The following RAB18 variants were observed in gnomAD, a reference collection of about 807,000 sequenced individuals.
RAB18 encodes the protein ras-related protein Rab-18.
RAB18 carries 10 observed loss-of-function variants against 28.5 expected under a neutral mutation model. The ratio of observed to expected loss-of-function variants is 0.35; its 90% CI spans 0.22 to 0.60. RAB18 has a LOEUF of 0.60. Ranked by LOEUF, RAB18 falls within the 20% of genes least tolerant of loss-of-function variation. The probability of loss-of-function intolerance (pLI) is 0.78; values close to 1 mark genes in which losing one functional copy is unlikely to be tolerated. For synonymous variants in RAB18, 93 were observed against 86.9 expected (o/e 1.07, Z -0.39); for missense variants, 188 against 244.2 (o/e 0.77, Z 1.53).
chr10:27,535,029 A>G (rs118076385), intron 6 of RAB18, among the ~76,000 whole-genome samples: 4,575 of 152,254 alleles, frequency 0.03, 87 homozygotes, highest in South Asian at 0.047. Context: ...ACAGACTTAA[A>G]TAAGTAAGTA....
At position 27,539,999 on chromosome 10, in the gene RAB18, G is replaced by A. The variant is rs1221580233; in HGVS notation, c.*1948G>A. On this transcript the variant is annotated 3_prime_UTR_variant, in exon 7 of 7. Transcript: ENST00000356940. Reference sequence around the variant, plus strand: ...AAACAGTTGTAATATCTAAGGTCAGGCACCTAGTAACAGGGTTTTGTTAAT... The same window carrying A: ...AAACAGTTGTAATATCTAAGGTCAGACACCTAGTAACAGGGTTTTGTTAAT... The A allele has an allele frequency of 2.2e-6, 1 of 453,942 alleles. No individual in the cohort carries two copies. Among genetic ancestry groups the A allele is most frequent in the Non-Finnish European group, 4.4e-6 (1 of 226,702 alleles). 28.1% of individuals were successfully genotyped at this position (453,942 alleles called of 1,614,324 possible).
intron 3 of RAB18, among the ~76,000 whole-genome samples, chr10:27,527,462 A>G (rs1407813957): frequency 2.0e-5 from 3 of 152,032 alleles, no homozygotes; most frequent in Non-Finnish European, 4.4e-5. Flanking sequence ...TTAACTGTCA[A>G]AAATATCCAA....
At chr10:27,505,251 G>T in intron 1 of RAB18, 1 of 461,478 alleles carries the variant, frequency 2.2e-6, no homozygotes, top group Non-Finnish European at 4.4e-6. Flanking sequence ...GGTCTTGGAA[G>T]AGAGTTCTCC....
chr10:27,525,034 ATTGT>A (rs1490518527), intron 2 of RAB18, among the ~76,000 whole-genome samples: 1 of 152,230 alleles, frequency 6.6e-6, no homozygotes, highest in Non-Finnish European at 1.5e-5. Flanking sequence ...ACTTAGAGAC[ATTGT>A]TAGTTATCCA....
chr10:27,504,342 G>A lies in RAB18; in HGVS notation c.-28G>A. The A allele has an allele frequency of 1.3e-6, 2 of 1,565,202 alleles. No homozygotes were observed. The highest frequency in any genetic ancestry group is 1.7e-6 in the Non-Finnish European group (2 of 1,155,678). On this transcript the variant is annotated 5_prime_UTR_variant, in exon 1 of 7. Transcript: ENST00000356940. ...GCTGAGAGGCGCACCCGGGCGGCCA[G>A]CTGGGCTCGGAGCGGAACGGGGTCA...
chr10:27,512,480 A>G (rs1222518346), intron 2 of RAB18, among the ~76,000 whole-genome samples: 1 of 151,620 alleles, frequency 6.6e-6, no homozygotes, highest in Non-Finnish European at 1.5e-5. Flanking sequence ...TAATTTTTGT[A>G]TTTTTAGTAG....
intron 1 of RAB18, among the ~76,000 whole-genome samples, chr10:27,507,520 T>C (rs971097615): frequency 6.6e-6 from 1 of 150,574 alleles, no homozygotes; most frequent in South Asian, 2.1e-4. Context: ...TCTAAATTGC[T>C]GTCCCTCCTT....
In RAB18 at chr10:27,533,690, TTC is replaced by T. The variant is rs72201756; in HGVS notation, c.260-43_260-42del. The T allele has an allele frequency of 0.47, 753,043 of 1,601,510 alleles. 183,004 individuals are homozygous for T. Among genetic ancestry groups the T allele is most frequent in the Non-Finnish European group, 0.5 (588,385 of 1,171,746 alleles). On this transcript the variant is annotated intron_variant, in intron 4 of 6. Transcript: ENST00000356940. ...CTACATATCAGAAATACGCCATTGC[TTC>T]TTTCTTTAATGCTTATTTAACAAAT...
chr10:27,532,657 G>A (rs1051035236), intron 4 of RAB18, 78 bp downstream of exon 4: 1 of 1,160,126 alleles, frequency 8.6e-7, no homozygotes, highest in African/African-American at 1.5e-5. Flanking sequence ...AAGTTAATAT[G>A]TCTTTGTTTT....
At chr10:27,504,876 T>C (rs1837776293) in intron 1 of RAB18, 2 of 486,074 alleles carry the variant, frequency 4.1e-6, no homozygotes, top group Admixed American at 4.7e-5. Context: ...TGTGGGGCCT[T>C]CTCTAAATAC....
At position 27,540,189 on chromosome 10, in the gene RAB18, T is replaced by G. The variant is rs1834993410; in HGVS notation, c.*2138T>G. On this transcript the variant is annotated 3_prime_UTR_variant, in exon 7 of 7. Coordinates refer to ENST00000356940, the MANE Select transcript of RAB18 (RefSeq NM_021252.5). ...TAGTTAATATTTATTGAAAGCTTCC[T>G]TGGTGCCAGATGCCTTTCTAAGTGC... 1 of 454,080 alleles carries G rather than the reference T, an allele frequency of 2.2e-6. No homozygotes were observed. The highest frequency in any genetic ancestry group is 1.6e-5 in the South Asian group (1 of 64,474). The allele number at this position is 454,080 out of a possible 1,614,324, so 28.1% of individuals were successfully genotyped here.
Position 27,541,009 on chromosome 10 carries a change from A to AT in RAB18, c.*2965dup, listed in dbSNP as rs1447171110. On this transcript the variant is annotated 3_prime_UTR_variant, in exon 7 of 7. Transcript: ENST00000356940. ...AACTTAATACATATTTTTTCTGTGT[A>AT]TTTTTTTCAAATGAACTCAACAATT... 2.0e-5 allele frequency: 9 copies of AT among 452,848 alleles called. No individual in the cohort carries two copies. The highest frequency in any genetic ancestry group is 1.7e-4 in the Admixed American group (7 of 42,362). The allele number at this position is 452,848 out of a possible 1,614,324, so 28.1% of individuals were successfully genotyped here.
chr10:27,528,291 G>A (rs745867213), intron 3 of RAB18: 2 of 495,454 alleles, frequency 4.0e-6, no homozygotes, highest in Admixed American at 4.2e-5. Context: ...TTTTACCATA[G>A]GCCTATAAAC....
intron 2 of RAB18, among the ~76,000 whole-genome samples, chr10:27,511,501 G>A (rs927557435): frequency 6.6e-6 from 1 of 151,972 alleles, no homozygotes; most frequent in African/African-American, 2.4e-5. Flanking sequence ...CCACCGCGTC[G>A]AGCCTCTTCA....
chr10:27,539,761 AT>A lies in RAB18; in HGVS notation c.*1714del, dbSNP rs1271968917. 2.2e-6 allele frequency: 1 copy of A among 449,868 alleles called. No homozygotes were observed. Among genetic ancestry groups the A allele is most frequent in the East Asian group, 7.0e-5 (1 of 14,388 alleles). The allele number at this position is 449,868 out of a possible 1,614,324, so 27.9% of individuals were successfully genotyped here. On this transcript the variant is annotated 3_prime_UTR_variant, in exon 7 of 7. Coordinates refer to ENST00000356940, the MANE Select transcript of RAB18 (RefSeq NM_021252.5). ...AGTTACTTGAATATAACAAAAATGA[AT>A]TTTGTTTGATAGATTTATATTGTAA...
intron 2 of RAB18, among the ~76,000 whole-genome samples, chr10:27,525,259 A>G (rs1228746014): frequency 1.3e-5 from 2 of 152,106 alleles, no homozygotes; most frequent in Non-Finnish European, 1.5e-5. Flanking sequence ...ATTATTAAGG[A>G]AAAAAATTAG....
chr10:27,518,226 A>G (rs1048497909), intron 2 of RAB18, among the ~76,000 whole-genome samples: 1 of 152,164 alleles, frequency 6.6e-6, no homozygotes, highest in Non-Finnish European at 1.5e-5. Context: ...TATGAATACT[A>G]ATTTTTATTT....
chr10:27,533,748 A>G lies in RAB18; in HGVS notation c.273A>G (p.Thr91=), dbSNP rs766244672. 6.2e-7 allele frequency: 1 copy of G among 1,613,494 alleles called. No individual in the cohort carries two copies. The highest frequency in any genetic ancestry group is 8.5e-7 in the Non-Finnish European group (1 of 1,179,690). ...AQGVILVYDV[T]RRDTFVKLDN... is the part of the protein sequence containing the mutation. ...CTTTTATTTCAGTTTATGATGTCAC[A>G]AGAAGAGATACATTTGTTAAACTGG... The change falls in exon 5 of 7, where the codon ACA becomes ACG. Residue 91 remains threonine, a synonymous_variant. Coordinates refer to ENST00000356940, the MANE Select transcript of RAB18 (RefSeq NM_021252.5).
intron 3 of RAB18, among the ~76,000 whole-genome samples, chr10:27,529,021 A>G (rs1208397803): frequency 1.3e-5 from 2 of 152,016 alleles, no homozygotes; most frequent in Non-Finnish European, 2.9e-5. Flanking sequence ...GTTAGCATTC[A>G]TCTTTTTCTT....
Sources: gnomAD v4.1 joint callset for allele counts (sites outside exome capture counted in the v4.1 genomes callset) on GRCh38, gnomAD v4.1.1 for gene constraint, MANE v1.5 for transcripts, NCBI Gene and HGNC (gene_info 2026-07-23, HGNC 2026-07-21) for gene names.